Variants in CD200R1L observed in about 807,000 individuals in gnomAD.
CD200R1L encodes the protein CD200 receptor 1 like, also known as cell surface glycoprotein CD200 receptor 2.
In CD200R1L, 14 loss-of-function variants were observed where a neutral mutation model predicts 24.8. That is an observed-to-expected ratio of 0.56 (90% CI 0.37 to 0.88). The LOEUF (loss-of-function observed/expected upper bound fraction) is 0.88. Ranked by LOEUF, CD200R1L falls within the 40% of genes least tolerant of loss-of-function variation. The pLI is 0.00. For missense variants in CD200R1L, 299 were observed against 297.8 expected (o/e 1.00, Z -0.03); for synonymous variants, 111 against 109.2 (o/e 1.02, Z -0.11).
Position 112,834,794 on chromosome 3 carries a change from C to G in CD200R1L, c.-18+3148G>C, listed in dbSNP as rs573902969. 5.3e-5 allele frequency among the ~76,000 whole-genome samples: 8 copies of G among 152,326 alleles called. No individual in the cohort carries two copies. The South Asian group carries it at 1.0e-3, about 20-fold the overall frequency. ...CATGGGATCCAACCACTGCACACAGCCAGGCACACTACCTGCAGAGGAGTG... is the reference window on the plus strand; with the variant it reads ...CATGGGATCCAACCACTGCACACAGGCAGGCACACTACCTGCAGAGGAGTG... On this transcript the variant is annotated intron_variant, in intron 3 of 7. Transcript: ENST00000488794.
At chr3:112,838,489 C>CAAAA (rs369499771) in intron 2 of CD200R1L, among the ~76,000 whole-genome samples, 37 of 136,980 alleles carry the variant, frequency 2.7e-4, no homozygotes, top group African/African-American at 9.9e-4. Flanking sequence ...AACAAACAAA[C>CAAAA]AAAAAAAAAC....
chr3:112,827,211 C>T lies in CD200R1L; in HGVS notation c.398G>A (p.Arg133Lys). ...TGCCTTGCATACTGCAGTTATATTC[C>T]TGCTTTGAAATAGGTTCACTTCGGG... is the stretch of plus-strand genomic sequence containing the variant. ...VTPEVNLFQS[R>K]NITAVCKAVT... The change falls in exon 6 of 8, where the codon AGG becomes AAG. Residue 133 changes from arginine (R) to lysine (K), a missense_variant. Arg to Lys is a conservative substitution (Grantham distance 26, BLOSUM62 2). Transcript: ENST00000488794. The T allele has an allele frequency of 1.2e-6, 2 of 1,612,922 alleles. No individual in the cohort carries two copies. The highest frequency in any genetic ancestry group is 1.7e-6 in the Non-Finnish European group (2 of 1,179,716).
chr3:112,820,025 T>A, intron 6 of CD200R1L, 130 bp from the exon 7 acceptor site: 1 of 779,860 alleles, frequency 1.3e-6, no homozygotes, highest in Non-Finnish European at 1.9e-6. Flanking sequence ...TAAAACCTTC[T>A]AAATTATGAC....
chr3:112,821,056 CAAAAAAA>C (rs552399170), intron 6 of CD200R1L, among the ~76,000 whole-genome samples: 1 of 82,790 alleles, frequency 1.2e-5, no homozygotes, highest in Non-Finnish European at 2.5e-5. Context: ...GACTCTGTCT[CAAAAAAA>C]AAAAAAAAAG....
In CD200R1L at chr3:112,815,919, C is replaced by G. The variant is rs776965521; in HGVS notation, c.*44G>C. On this transcript the variant is annotated 3_prime_UTR_variant, in exon 8 of 8. Coordinates refer to ENST00000488794, the MANE Select transcript of CD200R1L (RefSeq NM_001199215.3). The stretch of plus-strand genomic sequence containing the variant: ...TCACTCATCTCACCAATGTTGCAGT[C>G]CAGAGACAAGGAGGAGAAGCAAAAG... 1.3e-6 allele frequency: 1 copy of G among 779,726 alleles called. No homozygotes were observed. The highest frequency in any genetic ancestry group is 1.7e-5 in the African/African-American group (1 of 59,158). The allele number at this position is 779,726 out of a possible 1,614,324, so 48.3% of individuals were successfully genotyped here.
In CD200R1L at chr3:112,819,872, C is replaced by G; in HGVS notation, c.640G>C (p.Ala214Pro). ...TAAAGAATGATCAGTAAGGACAACGCTGGAGATCCTGAGGTTCTGAGACCT... is the reference window on the plus strand; with the variant it reads ...TAAAGAATGATCAGTAAGGACAACGGTGGAGATCCTGAGGTTCTGAGACCT... ...NSGLRTSGSPALSLLIILYVK... is the reference protein window; with the variant it reads ...NSGLRTSGSPPLSLLIILYVK... Residue 214 changes from alanine to proline, a missense_variant, in exon 7 of 8, where the codon GCG (alanine) becomes CCG (proline). Transcript: ENST00000488794. 6.2e-7 allele frequency: 1 copy of G among 1,605,254 alleles called. No homozygotes were observed. The highest frequency in any genetic ancestry group is 8.5e-7 in the Non-Finnish European group (1 of 1,177,342).
chr3:112,835,702 T>G (rs1387052807), intron 3 of CD200R1L, among the ~76,000 whole-genome samples: 1 of 152,234 alleles, frequency 6.6e-6, no homozygotes, highest in African/African-American at 2.4e-5. Context: ...GAGGGGCACC[T>G]GCAGGCCAAC....
chr3:112,842,650 C>G (rs1054005493), intron 2 of CD200R1L, among the ~76,000 whole-genome samples: 1 of 152,158 alleles, frequency 6.6e-6, no homozygotes, highest in Non-Finnish European at 1.5e-5. Context: ...TCACTAAATT[C>G]TTTTCCTAGC....
At chr3:112,823,547 G>GA (rs1285639452) in intron 6 of CD200R1L, among the ~76,000 whole-genome samples, 4 of 152,200 alleles carry the variant, frequency 2.6e-5, no homozygotes, top group East Asian at 3.9e-4. Flanking sequence ...TTGGTGTAGG[G>GA]AAAAAAACTC....
chr3:112,820,036 T>C, intron 6 of CD200R1L, 141 bp from the exon 7 acceptor site: 2 of 710,448 alleles, frequency 2.8e-6, no homozygotes. Context: ...AAATTATGAC[T>C]CAAATGTTAC....
At chr3:112,825,338 C>T (rs1029021665) in intron 6 of CD200R1L, among the ~76,000 whole-genome samples, 1 of 149,972 alleles carries the variant, frequency 6.7e-6, no homozygotes, top group Non-Finnish European at 1.5e-5. Flanking sequence ...AAGAGGCCCA[C>T]ATGCATGGGG....
At chr3:112,832,841 T>C (rs1265571124) in intron 3 of CD200R1L, among the ~76,000 whole-genome samples, 1 of 152,234 alleles carries the variant, frequency 6.6e-6, no homozygotes, top group Non-Finnish European at 1.5e-5. Context: ...CTTGCCTTAA[T>C]TTCTACTTTC....
chr3:112,846,560 C>T (rs1939204115), intron 1 of CD200R1L, 65 bp downstream of exon 1: 1 of 152,178 alleles, frequency 6.6e-6, no homozygotes, highest in Non-Finnish European at 1.5e-5. Flanking sequence ...TAACTACTTT[C>T]AGTCATGGTT....
chr3:112,818,732 T>G (rs1331317270), intron 7 of CD200R1L: 1 of 154,438 alleles, frequency 6.5e-6, no homozygotes, highest in African/African-American at 2.4e-5. Context: ...GCTATCTTCC[T>G]CTTTATTTTG....
chr3:112,820,013 C>G, intron 6 of CD200R1L, 118 bp from the exon 7 acceptor site: 1 of 874,696 alleles, frequency 1.1e-6, no homozygotes. Context: ...CTGTCATAAT[C>G]ATAAAACCTT....
Position 112,829,370 on chromosome 3 carries a change from A to G in CD200R1L, c.-3T>C, listed in dbSNP as rs771718304. ...TGTGTCATCTGCTTTCCACCCATGC[A>G]TGAACTACTTGAAGCTAGAAAACAT... is the stretch of plus-strand genomic sequence containing the variant. On this transcript the variant is annotated 5_prime_UTR_variant, in exon 4 of 8. It removes an upstream start codon present in the reference 5' UTR. Coordinates refer to ENST00000488794, the MANE Select transcript of CD200R1L (RefSeq NM_001199215.3). 3.1e-6 allele frequency: 5 copies of G among 1,613,922 alleles called. No homozygotes were observed. In the South Asian group the frequency reaches 4.4e-5, roughly 14 times the overall value.
chr3:112,822,169 C>G (rs1347671977), intron 6 of CD200R1L, among the ~76,000 whole-genome samples: 1 of 152,186 alleles, frequency 6.6e-6, no homozygotes, highest in Non-Finnish European at 1.5e-5. Flanking sequence ...ATATGATAAG[C>G]AATATGTATG....
intron 3 of CD200R1L, among the ~76,000 whole-genome samples, chr3:112,832,488 G>C (rs527787475): frequency 6.6e-6 from 1 of 151,980 alleles, no homozygotes; most frequent in Admixed American, 6.6e-5. Context: ...CCCCCTTGGC[G>C]AAGATAGTAA....
chr3:112,834,769 C>T (rs1203206387), intron 3 of CD200R1L, among the ~76,000 whole-genome samples: 1 of 152,208 alleles, frequency 6.6e-6, no homozygotes, highest in Non-Finnish European at 1.5e-5. Context: ...TGTGAGTGAG[C>T]ATGGGATCCA....
Sources: allele counts gnomAD v4.1 joint callset (sites outside exome capture counted in the v4.1 genomes callset), GRCh38; gene constraint gnomAD v4.1.1; transcripts MANE v1.5; gene names NCBI Gene and HGNC (gene_info 2026-07-23, HGNC 2026-07-21).